SLC16A4: variants seen among roughly 807,000 people sequenced by gnomAD.
SLC16A4 encodes solute carrier family 16 member 4.
SLC16A4 carries 39 observed loss-of-function variants against 47.9 expected under a neutral mutation model. The ratio of observed to expected loss-of-function variants is 0.81; its 90% confidence interval spans 0.63 to 1.06. SLC16A4 has a LOEUF of 1.06. SLC16A4 is among the 50% of genes least tolerant of loss of function. The pLI is 0.00. For synonymous variants in SLC16A4, 189 were observed against 199.9 expected, an observed-to-expected ratio of 0.95 and a Z score of 0.46; for missense variants, 524 against 573.8, an observed-to-expected ratio of 0.91 and a Z score of 0.89.
Position 110,384,911 on chromosome 1 carries a change from G to T in SLC16A4, c.88-1945C>A, listed in dbSNP as rs1010572876. ...ACCTGTAGTCCCAGCTACCTGGGAG[G>T]GTGAGGTGGGAGGAACACCTGAACC... is the stretch of plus-strand genomic sequence containing the variant. On this transcript the variant is annotated intron_variant, in intron 2 of 8. Coordinates refer to ENST00000369779, the MANE Select transcript of SLC16A4 (RefSeq NM_004696.3). Among the ~76,000 whole-genome samples the T allele has an allele frequency of 3.3e-5, 5 of 152,168 alleles. 1 individual carries two copies. The highest frequency in any genetic ancestry group is 1.2e-4 in the African/African-American group (5 of 41,426).
intron 2 of SLC16A4, among the ~76,000 whole-genome samples, chr1:110,383,805 GTTTTTTTTTTTT>G (rs71096348): frequency 3.0e-5 from 2 of 65,740 alleles, no homozygotes; most frequent in African/African-American, 1.3e-4. Context: ...TTAAAAGGAG[GTTTTTTTTTTTT>G]TTTTTTTTTT....
In SLC16A4 at chr1:110,363,279, CTT is replaced by C. The variant is rs1661174635; in HGVS notation, c.*485_*486del. The C allele has an allele frequency of 6.6e-6, 1 of 152,266 alleles. No individual in the cohort carries two copies. The highest frequency in any genetic ancestry group is 2.1e-4 in the South Asian group (1 of 4,838). 9.4% of individuals were successfully genotyped at this position (152,266 alleles called of 1,614,324 possible). ...ACTAACAATACAGGTTGCTATTACT[CTT>C]GTCTTACTACCAATTAGACATTTCT... On this transcript the variant is annotated 3_prime_UTR_variant, in exon 9 of 9. Transcript: ENST00000369779.
At position 110,390,953 on chromosome 1, in the gene SLC16A4, C is replaced by G. The variant is rs1412241666; in HGVS notation, c.-121G>C. 6.6e-6 allele frequency: 1 copy of G among 152,188 alleles called. No homozygotes were observed. Among genetic ancestry groups the G allele is most frequent in the Admixed American group, 6.5e-5 (1 of 15,272 alleles). 9.4% of individuals were successfully genotyped at this position (152,188 alleles called of 1,614,324 possible). On this transcript the variant is annotated 5_prime_UTR_variant, in exon 1 of 9. Transcript: ENST00000369779. ...TTACACCGTTTTCTGGAATGTTACT[C>G]TTTTTCTAAGGCATTTCATTTTGCT...
At chr1:110,363,953 C>A in intron 8 of SLC16A4, 60 bp from the exon 9 acceptor site, 1 of 1,556,096 alleles carries the variant, frequency 6.4e-7, no homozygotes, top group Non-Finnish European at 8.7e-7. Context: ...AACTCTCAGC[C>A]ATGAATAGCT....
intron 8 of SLC16A4, among the ~76,000 whole-genome samples, chr1:110,367,717 A>G (rs1661466188): frequency 1.3e-5 from 2 of 152,114 alleles, no homozygotes; most frequent in African/African-American, 4.8e-5. Flanking sequence ...ATATATATAT[A>G]TAGGGAGAGA....
chr1:110,376,359 G>C (rs919967587), intron 7 of SLC16A4, among the ~76,000 whole-genome samples: 1 of 152,168 alleles, frequency 6.6e-6, no homozygotes, highest in Non-Finnish European at 1.5e-5. Context: ...ATCTGTTCCA[G>C]CATGTTTAGG....
chr1:110,390,579 G>C (rs1235922025), intron 1 of SLC16A4, among the ~76,000 whole-genome samples: 1 of 152,192 alleles, frequency 6.6e-6, no homozygotes, highest in Admixed American at 6.5e-5. Flanking sequence ...ACATGCTAAA[G>C]TATTCAGGAG....
chr1:110,367,368 C>T lies in SLC16A4; in HGVS notation c.1337-3475G>A, dbSNP rs930353600. 1.1e-4 allele frequency among the ~76,000 whole-genome samples: 16 copies of T among 152,244 alleles called. No homozygotes were observed. In the East Asian group the frequency reaches 2.1e-3, roughly 20 times the overall value. ...ATAAATTAGCTGGGTGTTGGCCAGG[C>T]GTGACGGCTCATGCCTATAATCTTA... On this transcript the variant is annotated intron_variant, in intron 8 of 8. Transcript: ENST00000369779.
chr1:110,387,979 A>G (rs1417851842), intron 2 of SLC16A4, among the ~76,000 whole-genome samples: 1 of 152,084 alleles, frequency 6.6e-6, no homozygotes, highest in Non-Finnish European at 1.5e-5. Context: ...CCACCATCCT[A>G]TTTGTAGAAT....
At chr1:110,381,930 A>C (rs1386131847) in intron 3 of SLC16A4, 135 bp from the exon 4 acceptor site, 3 of 829,404 alleles carry the variant, frequency 3.6e-6, no homozygotes, top group Non-Finnish European at 5.6e-6. Flanking sequence ...TCTTCAAAAA[A>C]GATTTTCATA....
chr1:110,381,186 G>GTCT (rs775711254), intron 4 of SLC16A4, 43 bp from the exon 5 acceptor site: 8 of 1,576,678 alleles, frequency 5.1e-6, no homozygotes, highest in Non-Finnish European at 7.0e-6. Context: ...CTTACATTAA[G>GTCT]TGGCTTGGTA....
At chr1:110,369,517 T>C (rs1277550888) in intron 8 of SLC16A4, among the ~76,000 whole-genome samples, 3 of 152,006 alleles carry the variant, frequency 2.0e-5, no homozygotes, top group Non-Finnish European at 4.4e-5. Context: ...GGAGAATCAC[T>C]TGAACCTGGA....
chr1:110,366,258 A>G (rs1382603390), intron 8 of SLC16A4, among the ~76,000 whole-genome samples: 4 of 152,064 alleles, frequency 2.6e-5, no homozygotes, highest in African/African-American at 4.8e-5. Flanking sequence ...CGCAGGTTCA[A>G]GTGATTCTCT....
At chr1:110,381,840 G>T in intron 3 of SLC16A4, 45 bp from the exon 4 acceptor site, 1 of 1,559,432 alleles carries the variant, frequency 6.4e-7, no homozygotes, top group Non-Finnish European at 8.8e-7. Context: ...ATAATGATCT[G>T]GCATCCCTTA....
At chr1:110,375,603 A>G in intron 7 of SLC16A4, 52 bp from the exon 8 acceptor site, 1 of 976,900 alleles carries the variant, frequency 1.0e-6, no homozygotes, top group Non-Finnish European at 1.7e-6. Flanking sequence ...AATTCTATAG[A>G]GACCTATGCC....
chr1:110,381,316 T>TACAC (rs4024149), intron 4 of SLC16A4, among the ~76,000 whole-genome samples, 173 bp from the exon 5 acceptor site: 4 of 150,830 alleles, frequency 2.7e-5, no homozygotes, highest in East Asian at 2.0e-4. Context: ...CATATATACA[T>TACAC]ACACACACAC....
At chr1:110,374,588 T>A (rs149589435) in intron 8 of SLC16A4, among the ~76,000 whole-genome samples, 1 of 152,252 alleles carries the variant, frequency 6.6e-6, no homozygotes, top group Admixed American at 6.5e-5. Context: ...GAAATACTTC[T>A]GTGTGAGTAT....
chr1:110,377,418 A>G (rs1236394644), intron 6 of SLC16A4, among the ~76,000 whole-genome samples: 1 of 152,208 alleles, frequency 6.6e-6, no homozygotes, highest in African/African-American at 2.4e-5. Context: ...TGTGTTTGGA[A>G]AGCTTACGTC....
Position 110,363,710 on chromosome 1 carries a change from A to T in SLC16A4, c.*56T>A. 6.8e-7 allele frequency: 1 copy of T among 1,471,438 alleles called. No homozygotes were observed. Among genetic ancestry groups the T allele is most frequent in the Non-Finnish European group, 9.1e-7 (1 of 1,102,424 alleles). 91.1% of individuals were successfully genotyped at this position (1,471,438 alleles called of 1,614,324 possible). ...TTCTTTCAAGCTTTTGTTTCCAATG[A>T]CATTAGTTTAGGTTTTCTTTTGTTT... On this transcript the variant is annotated 3_prime_UTR_variant, in exon 9 of 9. Coordinates refer to ENST00000369779, the MANE Select transcript of SLC16A4 (RefSeq NM_004696.3).
Sources: gnomAD v4.1 joint callset for allele counts (sites outside exome capture counted in the v4.1 genomes callset) on GRCh38, gnomAD v4.1.1 for gene constraint, MANE v1.5 for transcripts, NCBI Gene and HGNC (gene_info 2026-07-23, HGNC 2026-07-21) for gene names.